The following SH3BP5 variants were observed in gnomAD, a reference collection of about 807,000 sequenced individuals.
The protein encoded by SH3BP5 is SH3 domain-binding protein 5.
Under a neutral mutation model 43.3 loss-of-function variants are expected in SH3BP5, and 22 were observed. The observed-to-expected ratio is 0.51, with a 90% CI of 0.36 to 0.73. SH3BP5 has a LOEUF of 0.73. Ranked by LOEUF, SH3BP5 falls within the 30% of genes least tolerant of loss-of-function variation. SH3BP5 has a pLI of 0.00. For missense variants in SH3BP5, 529 were observed against 586.9 expected, an observed-to-expected ratio of 0.90 and a Z score of 1.02; for synonymous variants, 255 against 225.8, an observed-to-expected ratio of 1.13 and a Z score of -1.16.
chr3:15,260,141 G>GT, intron 5 of SH3BP5: 1 of 329,502 alleles, frequency 3.0e-6, no homozygotes, highest in Non-Finnish European at 5.7e-6. Flanking sequence ...ATACCCAGCA[G>GT]TAAGGGTGGC....
chr3:15,276,590 G>A (rs1255596528), intron 3 of SH3BP5, among the ~76,000 whole-genome samples: 4 of 152,098 alleles, frequency 2.6e-5, no homozygotes, highest in Non-Finnish European at 4.4e-5. Context: ...TCCTGCCTGC[G>A]GCTCCCGTCC....
intron 1 of SH3BP5, among the ~76,000 whole-genome samples, chr3:15,331,580 A>G (rs1370486547): frequency 6.6e-6 from 1 of 152,210 alleles, no homozygotes; most frequent in East Asian, 1.9e-4. Flanking sequence ...AGGCACAGCC[A>G]GCCAGCCCAA....
At chr3:15,268,689 T>C (rs993243822) in intron 4 of SH3BP5, among the ~76,000 whole-genome samples, 3 of 152,170 alleles carry the variant, frequency 2.0e-5, no homozygotes, top group African/African-American at 7.2e-5. Context: ...AACCAAGTAC[T>C]GCTGAGCCAA....
At chr3:15,278,972 C>T (rs1352288597) in intron 3 of SH3BP5, among the ~76,000 whole-genome samples, 1 of 152,104 alleles carries the variant, frequency 6.6e-6, no homozygotes, top group Admixed American at 6.5e-5. Flanking sequence ...GAGTTCAAGA[C>T]CAGCTTGGCC....
At chr3:15,287,067 G>A (rs189277578) in intron 3 of SH3BP5, among the ~76,000 whole-genome samples, 16 of 152,282 alleles carry the variant, frequency 1.1e-4, no homozygotes, top group Admixed American at 9.8e-4. Context: ...ACTTCTCTGT[G>A]CCTCAGTTAC....
intron 4 of SH3BP5, among the ~76,000 whole-genome samples, chr3:15,262,539 C>A (rs992946050): frequency 9.2e-5 from 14 of 152,146 alleles, no homozygotes; most frequent in African/African-American, 3.4e-4. Context: ...CTCCTGTAGT[C>A]CCAGCTACTC....
intron 3 of SH3BP5, among the ~76,000 whole-genome samples, chr3:15,281,416 A>G (rs6772489): frequency 0.47 from 71,506 of 151,972 alleles, 19,935 homozygotes; most frequent in African/African-American, 0.79. Context: ...AATAACCATT[A>G]TCTTGGGTCT....
intron 1 of SH3BP5, among the ~76,000 whole-genome samples, chr3:15,338,869 C>A (rs951469763): frequency 6.6e-6 from 1 of 152,114 alleles, no homozygotes; most frequent in East Asian, 1.9e-4. Flanking sequence ...ACCTCAGAAC[C>A]CTATTGGCAG....
chr3:15,266,627 G>C (rs2125058938), intron 4 of SH3BP5, among the ~76,000 whole-genome samples: 1 of 152,336 alleles, frequency 6.6e-6, no homozygotes, highest in East Asian at 1.9e-4. Flanking sequence ...GAGCAGCAGG[G>C]ACCCCAGGCC....
At chr3:15,324,440 G>A (rs1698409738) in intron 2 of SH3BP5, among the ~76,000 whole-genome samples, 1 of 152,192 alleles carries the variant, frequency 6.6e-6, no homozygotes, top group Non-Finnish European at 1.5e-5. Context: ...ATTTGCTGCA[G>A]GAAGGCCTCC....
intron 2 of SH3BP5, among the ~76,000 whole-genome samples, chr3:15,313,690 G>A (rs990408477): frequency 1.3e-5 from 2 of 152,148 alleles, no homozygotes; most frequent in Non-Finnish European, 2.9e-5. Flanking sequence ...GCTGGCTGAC[G>A]GAACTTCTGT....
intron 3 of SH3BP5, among the ~76,000 whole-genome samples, chr3:15,271,891 A>G (rs1696808998): frequency 6.6e-6 from 1 of 151,968 alleles, no homozygotes; most frequent in Admixed American, 6.6e-5. Flanking sequence ...CTACAGGCTC[A>G]CCTTGAATTC....
intron 4 of SH3BP5, among the ~76,000 whole-genome samples, chr3:15,265,403 C>T (rs910643885): frequency 2.0e-5 from 3 of 151,898 alleles, no homozygotes; most frequent in Admixed American, 1.3e-4. Context: ...GTAGTCCCAG[C>T]TCCTCAGGAG....
intron 3 of SH3BP5, among the ~76,000 whole-genome samples, chr3:15,295,870 TTA>T (rs1244231479): frequency 6.6e-6 from 1 of 152,194 alleles, no homozygotes; most frequent in African/African-American, 2.4e-5. Context: ...CCAAAGAAGT[TTA>T]TAGTCACATC....
At chr3:15,285,121 G>A (rs781374790) in intron 3 of SH3BP5, among the ~76,000 whole-genome samples, 1 of 152,184 alleles carries the variant, frequency 6.6e-6, no homozygotes, top group Non-Finnish European at 1.5e-5. Context: ...CTGGTACACT[G>A]CAAATGTTTA....
rs1015070582 is a variant in SH3BP5 at position 15,323,099 on chromosome 3, T to C, written c.201+7405A>G. 5.9e-5 allele frequency among the ~76,000 whole-genome samples: 9 copies of C among 151,606 alleles called. 1 individual carries two copies. The South Asian group carries it at 1.0e-3, about 18-fold the overall frequency. On this transcript the variant is annotated intron_variant, in intron 2 of 8. Transcript: ENST00000383791. ...GGTTGCAGTGGCAGAGATCACATCA[T>C]TGCACTCCGGTTTTTGAGACCCTGT...
chr3:15,306,063 A>AAAAAAAAAG lies in SH3BP5; in HGVS notation c.202-1833_202-1832insCTTTTTTTT, dbSNP rs1407014068. On this transcript the variant is annotated intron_variant, in intron 2 of 8. Transcript: ENST00000383791. Reference sequence around the variant, plus strand: ...GACACATGCATGAGTTTAAAAAAAAAAGAGAAATGGCAGCCGGGCACCATG... The same window carrying AAAAAAAAAG: ...GACACATGCATGAGTTTAAAAAAAAAAAAAAAAAGAGAGAAATGGCAGCCGGGCACCATG... 7.3e-5 allele frequency among the ~76,000 whole-genome samples: 11 copies of AAAAAAAAAG among 151,494 alleles called. 1 individual carries two copies. Among genetic ancestry groups the AAAAAAAAAG allele is most frequent in the East Asian group, 1.9e-4 (1 of 5,130 alleles).
In SH3BP5 at chr3:15,256,721, G is replaced by A. The variant is rs924445537; in HGVS notation, c.1150+132C>T. The A allele has an allele frequency of 4.6e-6, 5 of 1,085,998 alleles. No homozygotes were observed. In the African/African-American group the frequency reaches 8.0e-5, roughly 17 times the overall value. The allele number at this position is 1,085,998 out of a possible 1,614,324, so 67.3% of individuals were successfully genotyped here. A position where few individuals can be genotyped will look rare whatever the true frequency, so the allele number is the denominator to read the frequency against. The stretch of plus-strand genomic sequence containing the variant: ...GGAAACAACCTCAGTGATCAATACT[G>A]ACAGCACAACCACAGAGACCTGGTA... On this transcript the variant is annotated intron_variant, in intron 8 of 8. Coordinates refer to ENST00000383791, the MANE Select transcript of SH3BP5 (RefSeq NM_004844.5).
chr3:15,326,571 C>T (rs1435037889), intron 2 of SH3BP5, among the ~76,000 whole-genome samples: 2 of 152,228 alleles, frequency 1.3e-5, no homozygotes, highest in African/African-American at 4.8e-5. Flanking sequence ...CAATTCCATA[C>T]TTGTGAATTC....
Sources: gnomAD v4.1 joint callset for allele counts (sites outside exome capture counted in the v4.1 genomes callset) on GRCh38, gnomAD v4.1.1 for gene constraint, MANE v1.5 for transcripts, NCBI Gene and HGNC (gene_info 2026-07-23, HGNC 2026-07-21) for gene names.